The following RRP15 variants were observed in gnomAD, a reference collection of about 807,000 sequenced individuals.
RRP15 encodes the protein ribosomal RNA processing 15 homolog.
In RRP15, 18 loss-of-function variants were observed where a neutral mutation model predicts 27.1. That is an observed-to-expected ratio of 0.66 (90% confidence interval 0.46 to 0.98). The LOEUF (loss-of-function observed/expected upper bound fraction) is 0.98. RRP15 is among the 50% of genes least tolerant of loss of function. RRP15 has a pLI of 0.00. For missense variants in RRP15, 359 were observed against 337.8 expected (o/e 1.06, Z -0.49); for synonymous variants, 107 against 109.4 (o/e 0.98, Z 0.14).
At chr1:218,328,628 A>G (rs927365933) in intron 4 of RRP15, among the ~76,000 whole-genome samples, 2 of 151,750 alleles carry the variant, frequency 1.3e-5, no homozygotes, top group Non-Finnish European at 2.9e-5. Flanking sequence ...GCGCCACTGC[A>G]CTCCAGCCTG....
At chr1:218,317,044 C>A (rs966934709) in intron 4 of RRP15, among the ~76,000 whole-genome samples, 1 of 152,200 alleles carries the variant, frequency 6.6e-6, no homozygotes, top group African/African-American at 2.4e-5. Context: ...TATGGTTGAA[C>A]TAACTGTATT....
chr1:218,315,611 ATT>A (rs573084291), intron 4 of RRP15, among the ~76,000 whole-genome samples: 2 of 133,552 alleles, frequency 1.5e-5, no homozygotes, highest in African/African-American at 3.1e-5. Flanking sequence ...TTATTATTTT[ATT>A]TTTTTTTTTT....
intron 1 of RRP15, among the ~76,000 whole-genome samples, chr1:218,292,458 A>G (rs1056634506): frequency 2.0e-5 from 3 of 152,252 alleles, no homozygotes; most frequent in African/African-American, 7.2e-5. Context: ...AGCTGTAGGA[A>G]GAACACCAGT....
intron 2 of RRP15, 103 bp from the exon 3 acceptor site, chr1:218,304,925 G>C: frequency 9.2e-7 from 1 of 1,085,882 alleles, no homozygotes; most frequent in Non-Finnish European, 1.3e-6. Context: ...AACTAAGCCA[G>C]AATGATTTAT....
In RRP15 at chr1:218,333,043, GA is replaced by G. The variant is rs1281650613; in HGVS notation, c.*1955del. On this transcript the variant is annotated 3_prime_UTR_variant, in exon 5 of 5. Transcript: ENST00000366932. ...AATACCTTATTTACTAAAATGTTTT[GA>G]AACATATTTTATAGTCCCTCATTTG... 6.6e-6 allele frequency: 1 copy of G among 151,968 alleles called. No individual in the cohort carries two copies. Among genetic ancestry groups the G allele is most frequent in the Non-Finnish European group, 1.5e-5 (1 of 67,976 alleles). 9.4% of individuals were successfully genotyped at this position (151,968 alleles called of 1,614,324 possible).
chr1:218,303,548 C>T (rs549441309), intron 2 of RRP15, among the ~76,000 whole-genome samples: 2 of 152,202 alleles, frequency 1.3e-5, no homozygotes, highest in African/African-American at 4.8e-5. Flanking sequence ...AGCTTTTCAA[C>T]TGAAAATTTG....
chr1:218,330,932 C>A lies in RRP15; in HGVS notation c.706-16C>A. On this transcript the variant is annotated splice_polypyrimidine_tract_variant and intron_variant, in intron 4 of 4. Coordinates refer to ENST00000366932, the MANE Select transcript of RRP15 (RefSeq NM_016052.4). Reference sequence around the variant, plus strand: ...GAATTGACTTTTGAATATTTTGATTCTATAATTTTCCTTAGACTGAAGTGA... The same window carrying A: ...GAATTGACTTTTGAATATTTTGATTATATAATTTTCCTTAGACTGAAGTGA... 6.2e-7 allele frequency: 1 copy of A among 1,604,126 alleles called. No homozygotes were observed. Among genetic ancestry groups the A allele is most frequent in the South Asian group, 1.1e-5 (1 of 89,332 alleles).
intron 4 of RRP15, among the ~76,000 whole-genome samples, chr1:218,312,321 T>C (rs1656007305): frequency 6.6e-6 from 1 of 151,690 alleles, no homozygotes; most frequent in Admixed American, 6.6e-5. Context: ...TCAGTGCTGC[T>C]CTGCTCGTTT....
intron 1 of RRP15, among the ~76,000 whole-genome samples, chr1:218,295,099 T>C (rs1460527398): frequency 6.6e-6 from 1 of 152,194 alleles, no homozygotes; most frequent in Non-Finnish European, 1.5e-5. Flanking sequence ...AAGCTTGTAG[T>C]CTTAAAACAA....
rs1655829307 is a variant in RRP15, at chr1:218,302,509, G to C, written c.355G>C (p.Glu119Gln). Residue 119 changes from glutamate to glutamine, a missense_variant, in exon 2 of 5, where the codon GAA (glutamate) becomes CAA (glutamine). Transcript: ENST00000366932. ...PTILVKNKKL[E>Q]KEKEKLKQER... ...TATTCTGGTCAAAAATAAGAAGCTG[G>C]AAAAGGAAAAAGAAAAGTTAAAGCA... is the stretch of plus-strand genomic sequence containing the variant. 2 of 1,612,934 alleles carry C rather than the reference G, an allele frequency of 1.2e-6. No homozygotes were observed. Among genetic ancestry groups the C allele is most frequent in the Admixed American group, 3.3e-5 (2 of 59,738 alleles).
intron 1 of RRP15, among the ~76,000 whole-genome samples, chr1:218,292,105 G>A (rs930883177): frequency 1.3e-5 from 2 of 152,136 alleles, no homozygotes; most frequent in African/African-American, 4.8e-5. Context: ...CGAAGTGTTG[G>A]GATTACAGGC....
At position 218,334,700 on chromosome 1, in the gene RRP15, C is replaced by T. The variant is rs780050320; in HGVS notation, c.*3609C>T. On this transcript the variant is annotated 3_prime_UTR_variant, in exon 5 of 5. Transcript: ENST00000366932. Reference sequence around the variant, plus strand: ...GTGATTGACATTTATCTCCACTCTGCATGTCACTGATATGGTATAGACGCT... The same window carrying T: ...GTGATTGACATTTATCTCCACTCTGTATGTCACTGATATGGTATAGACGCT... The T allele has an allele frequency of 6.6e-6, 1 of 152,224 alleles. No individual in the cohort carries two copies. The highest frequency in any genetic ancestry group is 1.5e-5 in the Non-Finnish European group (1 of 68,044). The allele number at this position is 152,224 out of a possible 1,614,324, so 9.4% of individuals were successfully genotyped here.
chr1:218,304,194 T>TA (rs1655857044), intron 2 of RRP15, among the ~76,000 whole-genome samples: 1 of 152,238 alleles, frequency 6.6e-6, no homozygotes, highest in Non-Finnish European at 1.5e-5. Context: ...AAGGCATAGA[T>TA]AAAAAAAGAA....
rs3737978 is a variant in RRP15 at position 218,307,616 on chromosome 1, A to G, written c.689A>G (p.Lys230Arg). ...STNETASSRK[K>R]PKAKQTEVKS... ...AATGAGACTGCTTCAAGCAGGAAGA[A>G]ACCAAAAGCCAAACAGGTAAAAACT... The change falls in exon 4 of 5, where the codon AAA becomes AGA. Residue 230 changes from lysine (K) to arginine (R), a missense_variant. Physicochemically the swap from Lys to Arg is conservative, Grantham distance 26. Transcript: ENST00000366932. The G allele has an allele frequency of 3.5e-4, 557 of 1,613,548 alleles. 5 individuals are homozygous for G. The East Asian group carries it at 8.2e-3, about 24-fold the overall frequency.
In RRP15 at chr1:218,334,965, CAT is replaced by C. The variant is rs965878186; in HGVS notation, c.*3877_*3878del. The C allele has an allele frequency of 5.9e-5, 9 of 152,214 alleles. No homozygotes were observed. Among genetic ancestry groups the C allele is most frequent in the Admixed American group, 3.9e-4 (6 of 15,296 alleles). The allele number at this position is 152,214 out of a possible 1,614,324, so 9.4% of individuals were successfully genotyped here. ...CGAGCTTTTCTGAAATTTGATTAAA[CAT>C]ATTAGTCAAGGGAATCTGTGAATAG... is the stretch of plus-strand genomic sequence containing the variant. On this transcript the variant is annotated 3_prime_UTR_variant, in exon 5 of 5. Coordinates refer to ENST00000366932, the MANE Select transcript of RRP15 (RefSeq NM_016052.4).
chr1:218,323,751 C>T (rs1404060248), intron 4 of RRP15, among the ~76,000 whole-genome samples: 3 of 152,202 alleles, frequency 2.0e-5, no homozygotes, highest in Non-Finnish European at 4.4e-5. Context: ...CACCCAAAGT[C>T]CGGAGGGGGC....
intron 4 of RRP15, among the ~76,000 whole-genome samples, chr1:218,329,977 A>G (rs985381721): frequency 6.6e-6 from 1 of 152,152 alleles, no homozygotes; most frequent in Non-Finnish European, 1.5e-5. Context: ...TAATGACAGC[A>G]TAATGATAAC....
At chr1:218,326,198 C>A (rs1349939864) in intron 4 of RRP15, among the ~76,000 whole-genome samples, 1 of 152,020 alleles carries the variant, frequency 6.6e-6, no homozygotes, top group South Asian at 2.1e-4. Context: ...CCCAGCTACT[C>A]GGGAGGCTGA....
intron 4 of RRP15, among the ~76,000 whole-genome samples, chr1:218,324,488 C>G (rs1656240634): frequency 6.6e-6 from 1 of 152,184 alleles, no homozygotes; most frequent in South Asian, 2.1e-4. Context: ...GTTCCAGCGC[C>G]GCCACTGCTG....
Sources: gnomAD v4.1 joint callset for allele counts (sites outside exome capture counted in the v4.1 genomes callset) on GRCh38, gnomAD v4.1.1 for gene constraint, MANE v1.5 for transcripts, NCBI Gene and HGNC (gene_info 2026-07-23, HGNC 2026-07-21) for gene names.